Variants in TMTC2 observed in about 807,000 individuals in gnomAD.
TMTC2 encodes protein O-mannosyl-transferase TMTC2.
TMTC2 carries 43 observed loss-of-function variants against 82.4 expected under a neutral mutation model. The ratio of observed to expected loss-of-function variants is 0.52; its 90% CI spans 0.41 to 0.67. TMTC2 has a LOEUF of 0.67. Among genes scored for constraint, TMTC2 ranks in the 30% least tolerant of loss-of-function variants. TMTC2 has a pLI of 0.00. For synonymous variants in TMTC2, 408 were observed against 381.9 expected, an observed-to-expected ratio of 1.07 and a Z score of -0.80; for missense variants, 919 against 1,012.4, an observed-to-expected ratio of 0.91 and a Z score of 1.25.
intron 11 of TMTC2, among the ~76,000 whole-genome samples, chr12:83,125,836 A>G (rs1302121617): frequency 6.6e-6 from 1 of 152,208 alleles, no homozygotes; most frequent in African/African-American, 2.4e-5. Flanking sequence ...GTTATTAAGG[A>G]TATAGAATAA....
chr12:82,767,683 A>T (rs1016766642), intron 1 of TMTC2, among the ~76,000 whole-genome samples: 13 of 152,156 alleles, frequency 8.5e-5, no homozygotes, highest in Middle Eastern at 3.4e-3. Flanking sequence ...TTTCTACTCC[A>T]TACGTAGCTT....
chr12:82,770,046 T>G (rs2136993723), intron 1 of TMTC2, among the ~76,000 whole-genome samples: 1 of 152,344 alleles, frequency 6.6e-6, no homozygotes, highest in Non-Finnish European at 1.5e-5. Context: ...TATAAAATTC[T>G]ACTACGAGAG....
intron 10 of TMTC2, among the ~76,000 whole-genome samples, chr12:83,054,986 C>T (rs1410032664): frequency 2.6e-5 from 4 of 151,998 alleles, no homozygotes; most frequent in Non-Finnish European, 5.9e-5. Context: ...CAGACTCTAC[C>T]AGTGGGGTTG....
intron 8 of TMTC2, among the ~76,000 whole-genome samples, chr12:83,019,951 A>T (rs1021287781): frequency 2.6e-5 from 4 of 151,956 alleles, no homozygotes; most frequent in Admixed American, 2.6e-4. Context: ...CCTCTGCCTC[A>T]CTCAACCTGG....
intron 11 of TMTC2, among the ~76,000 whole-genome samples, chr12:83,114,245 C>T (rs576790384): frequency 4.0e-5 from 6 of 149,074 alleles, no homozygotes; most frequent in Non-Finnish European, 7.4e-5. Context: ...GCTCAAGATG[C>T]GAGTAAATCC....
chr12:82,831,375 C>A (rs1032017261), intron 1 of TMTC2, among the ~76,000 whole-genome samples: 4 of 152,118 alleles, frequency 2.6e-5, no homozygotes, highest in Non-Finnish European at 5.9e-5. Context: ...AGAATGAGAG[C>A]CCTTTTTTCT....
intron 2 of TMTC2, among the ~76,000 whole-genome samples, chr12:82,885,650 T>G (rs1373567872): frequency 3.3e-5 from 5 of 152,094 alleles, no homozygotes; most frequent in Non-Finnish European, 7.4e-5. Context: ...AGATTACAGG[T>G]GTGAGCCATT....
chr12:82,911,766 T>G (rs1197167148), intron 3 of TMTC2, among the ~76,000 whole-genome samples: 1 of 151,996 alleles, frequency 6.6e-6, no homozygotes, highest in African/African-American at 2.4e-5. Context: ...TAATTAACCA[T>G]GCCTGGCTAA....
At chr12:83,012,999 G>A (rs2137389912) in intron 8 of TMTC2, among the ~76,000 whole-genome samples, 1 of 152,236 alleles carries the variant, frequency 6.6e-6, no homozygotes, top group East Asian at 1.9e-4. Flanking sequence ...TGATTGGGTT[G>A]AATTTACACT....
intron 11 of TMTC2, among the ~76,000 whole-genome samples, chr12:83,118,936 T>A (rs1326071137): frequency 1.3e-5 from 2 of 152,234 alleles, no homozygotes; most frequent in Non-Finnish European, 2.9e-5. Flanking sequence ...TTCTAGTTTA[T>A]GTACATAAAC....
At chr12:82,950,388 T>C (rs1167862130) in intron 4 of TMTC2, among the ~76,000 whole-genome samples, 3 of 152,178 alleles carry the variant, frequency 2.0e-5, no homozygotes, top group African/African-American at 7.2e-5. Context: ...GAAAATGTAG[T>C]CTTAGTTATA....
intron 8 of TMTC2, among the ~76,000 whole-genome samples, chr12:83,008,830 C>T (rs1624819): frequency 1.3e-5 from 2 of 152,018 alleles, no homozygotes; most frequent in Non-Finnish European, 2.9e-5. Context: ...CTGCTAGAGG[C>T]TTCAAATTTC....
chr12:82,925,979 G>GTTTTTTTTT (rs374054535), intron 3 of TMTC2, among the ~76,000 whole-genome samples: 1 of 118,836 alleles, frequency 8.4e-6, no homozygotes. Context: ...GGAGAAAATT[G>GTTTTTTTTT]TTTTTTTTTT....
chr12:82,813,478 C>T (rs925627609), intron 1 of TMTC2, among the ~76,000 whole-genome samples: 1 of 151,870 alleles, frequency 6.6e-6, no homozygotes. Flanking sequence ...CTTATTTGGC[C>T]TTCTTTCTAA....
At chr12:82,940,613 T>G (rs950472903) in intron 4 of TMTC2, among the ~76,000 whole-genome samples, 2 of 152,176 alleles carry the variant, frequency 1.3e-5, no homozygotes, top group African/African-American at 4.8e-5. Context: ...TTTTGCTTTT[T>G]TTTTTTCCTC....
At chr12:82,960,124 C>G (rs1877847596) in intron 4 of TMTC2, among the ~76,000 whole-genome samples, 1 of 152,084 alleles carries the variant, frequency 6.6e-6, no homozygotes, top group Non-Finnish European at 1.5e-5. Flanking sequence ...GAGATACCAT[C>G]TCACACCAGT....
chr12:83,089,249 A>AT (rs1170568344), intron 11 of TMTC2, among the ~76,000 whole-genome samples: 2 of 152,114 alleles, frequency 1.3e-5, no homozygotes, highest in Non-Finnish European at 2.9e-5. Flanking sequence ...CGTTTGTACT[A>AT]TTTTATAAAA....
chr12:83,114,269 AATAGT>A (rs1038148291), intron 11 of TMTC2, among the ~76,000 whole-genome samples: 1 of 151,878 alleles, frequency 6.6e-6, no homozygotes, highest in African/African-American at 2.4e-5. Context: ...GTAAAAAAAA[AATAGT>A]AAGAGGAAAC....
chr12:82,960,600 A>G (rs960355177), intron 4 of TMTC2, among the ~76,000 whole-genome samples: 1 of 151,990 alleles, frequency 6.6e-6, no homozygotes, highest in Non-Finnish European at 1.5e-5. Flanking sequence ...TAAGATGGCA[A>G]TAAAAGACAC....
Sources: allele counts gnomAD v4.1 joint callset (sites outside exome capture counted in the v4.1 genomes callset), GRCh38; gene constraint gnomAD v4.1.1; transcripts MANE v1.5; gene names NCBI Gene and HGNC (gene_info 2026-07-23, HGNC 2026-07-21).